The following GNB5 variants were observed in gnomAD, a reference collection of about 807,000 sequenced individuals.
GNB5 encodes the protein G protein subunit beta 5.
A neutral mutation model predicts 55.3 loss-of-function variants in GNB5; 37 were observed. The ratio of observed to expected loss-of-function variants is 0.67; its 90% CI spans 0.51 to 0.88. GNB5 has a LOEUF of 0.88. GNB5 is among the 40% of genes least tolerant of loss of function. GNB5 has a pLI of 0.00. For synonymous variants in GNB5, 219 were observed against 198.5 expected (o/e 1.10, Z -0.87); for missense variants, 476 against 515.3 (o/e 0.92, Z 0.74).
chr15:52,174,877 T>G lies in GNB5; in HGVS notation c.238+4891A>C, dbSNP rs541090904. ...CGGGTGGATCACCTAAAGTCAGGAG[T>G]TCGAGACCAGCTTGGCCAACATAGC... is the stretch of plus-strand genomic sequence containing the variant. On this transcript the variant is annotated intron_variant, in intron 3 of 12. Coordinates refer to ENST00000261837, the MANE Select transcript of GNB5 (RefSeq NM_016194.4). Among the ~76,000 whole-genome samples, 234 of 151,666 alleles carry G rather than the reference T, an allele frequency of 1.5e-3. 1 individual carries two copies. The highest frequency in any genetic ancestry group is 5.3e-3 in the African/African-American group (220 of 41,314).
At chr15:52,159,901 G>C (rs2034294944) in intron 3 of GNB5, among the ~76,000 whole-genome samples, 1 of 152,072 alleles carries the variant, frequency 6.6e-6, no homozygotes, top group South Asian at 2.1e-4. Context: ...AGCCTGGTTT[G>C]AAGGATGCAT....
At chr15:52,130,313 AGC>A (rs1355303448) in intron 9 of GNB5, among the ~76,000 whole-genome samples, 12 of 152,204 alleles carry the variant, frequency 7.9e-5, no homozygotes, top group Non-Finnish European at 1.8e-4. Context: ...TGGACATGGT[AGC>A]CAGTGTTCGC....
At chr15:52,139,831 A>G in intron 7 of GNB5, 1 of 1,266,636 alleles carries the variant, frequency 7.9e-7, no homozygotes, top group Non-Finnish European at 1.0e-6. Flanking sequence ...GCCCCCTTTC[A>G]TCCCCAACCC....
chr15:52,186,693 C>T (rs544869786), intron 1 of GNB5, among the ~76,000 whole-genome samples: 1 of 152,034 alleles, frequency 6.6e-6, no homozygotes, highest in African/African-American at 2.4e-5. Flanking sequence ...TAATTGGGGG[C>T]GCTGGTCTGA....
chr15:52,142,464 T>C (rs1228565929), intron 6 of GNB5, among the ~76,000 whole-genome samples: 1 of 152,140 alleles, frequency 6.6e-6, no homozygotes, highest in Admixed American at 6.5e-5. Flanking sequence ...ACCCATAAAT[T>C]TGTTTTTTTT....
chr15:52,174,379 G>T (rs1214297479), intron 3 of GNB5, among the ~76,000 whole-genome samples: 1 of 152,178 alleles, frequency 6.6e-6, no homozygotes, highest in Non-Finnish European at 1.5e-5. Context: ...ATCAAGCGAG[G>T]TAGTACTCGC....
chr15:52,149,443 G>A (rs2034044815), intron 5 of GNB5: 1 of 355,668 alleles, frequency 2.8e-6, no homozygotes, highest in Non-Finnish European at 5.1e-6. Flanking sequence ...GCATCACAGG[G>A]TAGCTCTGCC....
intron 7 of GNB5, among the ~76,000 whole-genome samples, chr15:52,136,341 C>G (rs1322402586): frequency 6.6e-6 from 1 of 152,184 alleles, no homozygotes; most frequent in Non-Finnish European, 1.5e-5. Context: ...TCTACACATG[C>G]CTGGCTCGTA....
At chr15:52,188,924 A>G (rs1490985323) in intron 1 of GNB5, among the ~76,000 whole-genome samples, 1 of 152,218 alleles carries the variant, frequency 6.6e-6, no homozygotes, top group Admixed American at 6.5e-5. Flanking sequence ...ACATAGATAC[A>G]GCTTTGGTAG....
chr15:52,148,900 A>G (rs1325193281), intron 5 of GNB5, among the ~76,000 whole-genome samples: 1 of 152,214 alleles, frequency 6.6e-6, no homozygotes, highest in African/African-American at 2.4e-5. Context: ...ACGGGCCACA[A>G]GTGGCACCCT....
At chr15:52,183,908 T>C (rs2034808840) in intron 2 of GNB5, among the ~76,000 whole-genome samples, 1 of 152,246 alleles carries the variant, frequency 6.6e-6, no homozygotes, top group African/African-American at 2.4e-5. Context: ...TTGTGTACTT[T>C]GAAAAATTCC....
In GNB5 at chr15:52,184,558, G is replaced by T. The variant is rs1377610721; in HGVS notation, c.119C>A (p.Ala40Glu). 6.2e-7 allele frequency: 1 copy of T among 1,612,966 alleles called. No homozygotes were observed. Among genetic ancestry groups the T allele is most frequent in the Admixed American group, 1.7e-5 (1 of 59,940 alleles). ...TTTTTAAGTGGCACTTACAATTTCTGCACATGTTGAACAGTAGCTGAGTTG... is the reference window on the plus strand; with the variant it reads ...TTTTTAAGTGGCACTTACAATTTCTTCACATGTTGAACAGTAGCTGAGTTG... ...SQQLSYCSTC[A>E]EIMATEGLHE... The change falls in exon 2 of 13, where the codon GCA becomes GAA. Residue 40 changes from alanine to glutamate, a missense_variant. Transcript: ENST00000261837.
Position 52,154,146 on chromosome 15 carries a change from C to T in GNB5, c.239-70G>A, listed in dbSNP as rs918099202. ...TTCTGGGCTTTGGGCTGACACAGCA[C>T]AGACATATGTTCCGCAGAGGGAGGC... On this transcript the variant is annotated intron_variant, in intron 3 of 12. Coordinates refer to ENST00000261837, the MANE Select transcript of GNB5 (RefSeq NM_016194.4). 3.4e-6 allele frequency: 5 copies of T among 1,492,090 alleles called. No homozygotes were observed. The African/African-American group carries it at 5.6e-5, about 17-fold the overall frequency. The allele number at this position is 1,492,090 out of a possible 1,614,324, so 92.4% of individuals were successfully genotyped here. A position where few individuals can be genotyped will look rare whatever the true frequency, so the allele number is the denominator to read the frequency against.
At chr15:52,152,097 TGCAATGTGACATACTAGATTTGTA>T (rs2034108337) in intron 4 of GNB5, among the ~76,000 whole-genome samples, 1 of 151,486 alleles carries the variant, frequency 6.6e-6, no homozygotes. Context: ...AAAAAGCAAG[TGCAATGTGACATACTAGATTTGTA>T]GGTAATCTAG....
chr15:52,139,005 A>G (rs570684942), intron 7 of GNB5: 2 of 152,274 alleles, frequency 1.3e-5, no homozygotes, highest in South Asian at 2.1e-4. Flanking sequence ...TTGTAAGTTT[A>G]ATACCATAGT....
At chr15:52,127,305 T>C (rs971752105) in intron 10 of GNB5, among the ~76,000 whole-genome samples, 1 of 152,222 alleles carries the variant, frequency 6.6e-6, no homozygotes, top group African/African-American at 2.4e-5. Flanking sequence ...TTTGAAAATA[T>C]TTTCAGGTGT....
chr15:52,177,104 G>C (rs113516304), intron 3 of GNB5, among the ~76,000 whole-genome samples: 9,360 of 140,906 alleles, frequency 0.066, 398 homozygotes, highest in Middle Eastern at 0.072. Context: ...GCAAGATCTC[G>C]GCTCACTGCA....
intron 4 of GNB5, among the ~76,000 whole-genome samples, chr15:52,151,668 C>A (rs181303550): frequency 2.3e-4 from 35 of 152,304 alleles, no homozygotes; most frequent in African/African-American, 8.2e-4. Flanking sequence ...CTCCCAACAG[C>A]AGTATGTGAG....
At chr15:52,141,903 C>G (rs1035302665) in intron 6 of GNB5, among the ~76,000 whole-genome samples, 3 of 152,174 alleles carry the variant, frequency 2.0e-5, no homozygotes, top group African/African-American at 7.2e-5. Context: ...GATCCAGGGA[C>G]CAACCAAGGC....
Sources: gnomAD v4.1 joint callset for allele counts (sites outside exome capture counted in the v4.1 genomes callset) on GRCh38, gnomAD v4.1.1 for gene constraint, MANE v1.5 for transcripts, NCBI Gene and HGNC (gene_info 2026-07-23, HGNC 2026-07-21) for gene names.